The following CBLB variants were observed in gnomAD, a reference collection of about 807,000 sequenced individuals.
The protein encoded by CBLB is E3 ubiquitin-protein ligase CBL-B.
A neutral mutation model predicts 104.9 loss-of-function variants in CBLB; 31 were observed. That is an observed-to-expected ratio of 0.30 (90% confidence interval 0.22 to 0.40). The LOEUF (loss-of-function observed/expected upper bound fraction) is 0.40. CBLB is among the 10% of genes least tolerant of loss of function. The pLI is 1.00. For missense variants in CBLB, 1,062 were observed against 1,214.6 expected, an observed-to-expected ratio of 0.87 and a Z score of 1.87; for synonymous variants, 440 against 422.6, an observed-to-expected ratio of 1.04 and a Z score of -0.51.
chr3:105,665,337 T>C (rs1336866166), intron 18 of CBLB, among the ~76,000 whole-genome samples: 2 of 149,688 alleles, frequency 1.3e-5, no homozygotes, highest in Non-Finnish European at 3.0e-5. Context: ...GAGACAAGAT[T>C]GCACCACTGC....
Position 105,867,569 on chromosome 3 carries a change from G to T in CBLB, c.9C>A (p.Asn3Lys), listed in dbSNP as rs756555148. 6.2e-7 allele frequency: 1 copy of T among 1,614,094 alleles called. No homozygotes were observed. The highest frequency in any genetic ancestry group is 8.5e-7 in the Non-Finnish European group (1 of 1,179,996). Residue 3 changes from asparagine to lysine, a missense_variant, in exon 2 of 19, where the codon AAC becomes AAA. This residue lies in a region of CBLB where 457 missense variants were observed against 632.0 expected (regional missense o/e 0.72). Coordinates refer to ENST00000394030, the MANE Select transcript of CBLB (RefSeq NM_170662.5). MA[N>K]SMNGRNPGGR... Reference sequence around the variant, plus strand: ...CACCAGGGTTTCTGCCATTCATTGAGTTTGCCATCTGGAATTTTAGTTCTT... The same window carrying T: ...CACCAGGGTTTCTGCCATTCATTGATTTTGCCATCTGGAATTTTAGTTCTT...
chr3:105,755,505 T>TA (rs5851472), intron 4 of CBLB, among the ~76,000 whole-genome samples: 144,073 of 146,890 alleles, frequency 0.98, 70,668 homozygotes, highest in South Asian at 1. Flanking sequence ...TGATTTCTTT[T>TA]AAAAAAAAAA....
At chr3:105,731,465 T>C (rs781298797) in intron 9 of CBLB, among the ~76,000 whole-genome samples, 4 of 152,196 alleles carry the variant, frequency 2.6e-5, no homozygotes, top group Non-Finnish European at 5.9e-5. Context: ...ACTGACAATG[T>C]GAAGTTAGGA....
rs2075435329 is a variant in CBLB, at chr3:105,740,711, G to A, written c.846-80C>T. The A allele has an allele frequency of 2.3e-5, 29 of 1,247,710 alleles. 1 individual carries two copies. In the South Asian group the frequency reaches 3.4e-4, roughly 14 times the overall value. The allele number at this position is 1,247,710 out of a possible 1,614,324, so 77.3% of individuals were successfully genotyped here. On this transcript the variant is annotated intron_variant, in intron 6 of 18. Coordinates refer to ENST00000394030, the MANE Select transcript of CBLB (RefSeq NM_170662.5). ...AAACAATTTGTTAGGTTTCTTCCAA[G>A]CAAAAGAATAAACAATCATTTAGAA...
In CBLB at chr3:105,659,150, A is replaced by G; in HGVS notation, c.2769T>C (p.His923=). Residue 923 remains histidine (H), a synonymous_variant, in exon 19 of 19, where the codon CAT becomes CAC. Coordinates refer to ENST00000394030, the MANE Select transcript of CBLB (RefSeq NM_170662.5). ...TAPEIHHRKP[H]GPEAALENVD... ...CATTTTCCAATGCCGCCTCAGGCCC[A>G]TGGGGTTTTCTGTGGTGAATTTCTG... 1 of 1,613,930 alleles carries G rather than the reference A, an allele frequency of 6.2e-7. No individual in the cohort carries two copies. Among genetic ancestry groups the G allele is most frequent in the Non-Finnish European group, 8.5e-7 (1 of 1,179,912 alleles).
intron 9 of CBLB, among the ~76,000 whole-genome samples, chr3:105,727,930 G>T (rs192337088): frequency 1.3e-5 from 2 of 152,196 alleles, no homozygotes; most frequent in Admixed American, 6.5e-5. Flanking sequence ...GTACCATGCT[G>T]TTTTGGTTAC....
At chr3:105,808,996 T>A (rs1261677333) in intron 3 of CBLB, among the ~76,000 whole-genome samples, 1 of 152,170 alleles carries the variant, frequency 6.6e-6, no homozygotes, top group African/African-American at 2.4e-5. Context: ...TAACCCACCA[T>A]TTAGGAACAT....
At chr3:105,725,025 G>C (rs1042966999) in intron 9 of CBLB, among the ~76,000 whole-genome samples, 3 of 151,862 alleles carry the variant, frequency 2.0e-5, no homozygotes, top group African/African-American at 7.3e-5. Flanking sequence ...TCATAGTCAA[G>C]GTTAAAATAA....
intron 14 of CBLB, among the ~76,000 whole-genome samples, chr3:105,683,540 TCC>T (rs2066589090): frequency 1.2e-5 from 1 of 85,150 alleles, no homozygotes; most frequent in African/African-American, 4.1e-5. Context: ...AAAATTATAC[TCC>T]TCACTTATCC....
intron 10 of CBLB, among the ~76,000 whole-genome samples, chr3:105,714,354 T>C (rs936599025): frequency 6.6e-6 from 1 of 152,176 alleles, no homozygotes; most frequent in Non-Finnish European, 1.5e-5. Context: ...ACATTATTTC[T>C]ATTATTATTA....
intron 6 of CBLB, among the ~76,000 whole-genome samples, chr3:105,743,217 G>A (rs988931293): frequency 4.6e-5 from 7 of 151,950 alleles, no homozygotes; most frequent in African/African-American, 1.7e-4. Context: ...CAGCACGTTG[G>A]GAGACTGAGC....
chr3:105,785,341 G>T (rs929968702), intron 3 of CBLB, among the ~76,000 whole-genome samples: 1 of 152,100 alleles, frequency 6.6e-6, no homozygotes, highest in Non-Finnish European at 1.5e-5. Context: ...CTTTAACAGA[G>T]AATTACAACT....
chr3:105,748,902 T>C (rs2076353949), intron 5 of CBLB, among the ~76,000 whole-genome samples: 2 of 152,148 alleles, frequency 1.3e-5, no homozygotes, highest in East Asian at 1.9e-4. Flanking sequence ...TTCAGTTCCC[T>C]TTCTGCTAAA....
chr3:105,865,227 T>A (rs1257072946), intron 2 of CBLB, among the ~76,000 whole-genome samples: 1 of 152,184 alleles, frequency 6.6e-6, no homozygotes, highest in African/African-American at 2.4e-5. Context: ...TACTACACAC[T>A]TATATACTGC....
At chr3:105,853,727 T>C in intron 2 of CBLB, 63 bp from the exon 3 acceptor site, 1 of 1,167,188 alleles carries the variant, frequency 8.6e-7, no homozygotes, top group South Asian at 1.4e-5. Flanking sequence ...AATTAAAAAG[T>C]TAGAGAACCA....
intron 12 of CBLB, among the ~76,000 whole-genome samples, chr3:105,696,130 T>C (rs891603918): frequency 3.3e-5 from 5 of 151,666 alleles, no homozygotes; most frequent in Non-Finnish European, 5.9e-5. Flanking sequence ...ATGGCTGTTA[T>C]TCCTATAAAC....
chr3:105,695,853 C>T (rs941618666), intron 12 of CBLB, among the ~76,000 whole-genome samples: 4 of 151,644 alleles, frequency 2.6e-5, no homozygotes, highest in African/African-American at 9.7e-5. Flanking sequence ...ACTCCTTTAC[C>T]ATTTTATAGC....
At chr3:105,799,046 C>T (rs1188526547) in intron 3 of CBLB, among the ~76,000 whole-genome samples, 1 of 151,724 alleles carries the variant, frequency 6.6e-6, no homozygotes, top group Non-Finnish European at 1.5e-5. Context: ...GTTGCTAATC[C>T]TTCAAGATCT....
chr3:105,788,792 C>T (rs1203117958), intron 3 of CBLB, among the ~76,000 whole-genome samples: 1 of 152,204 alleles, frequency 6.6e-6, no homozygotes, highest in Admixed American at 6.5e-5. Context: ...ACTTGCTTTA[C>T]TCAATAGAAT....
Sources: allele counts gnomAD v4.1 joint callset (sites outside exome capture counted in the v4.1 genomes callset), GRCh38; gene constraint gnomAD v4.1.1; regional missense constraint gnomAD v4.1.1; transcripts MANE v1.5; gene names NCBI Gene and HGNC (gene_info 2026-07-23, HGNC 2026-07-21).